The following NRBP2 variants were observed in gnomAD, a reference collection of about 807,000 sequenced individuals.
NRBP2 encodes nuclear receptor-binding protein 2.
A neutral mutation model predicts 74.4 loss-of-function variants in NRBP2; 47 were observed. The ratio of observed to expected loss-of-function variants is 0.63; its 90% CI spans 0.50 to 0.81. The LOEUF (loss-of-function observed/expected upper bound fraction) is 0.81, where lower values mean the gene tolerates loss of function less well. NRBP2 is among the 30% of genes least tolerant of loss of function. The pLI, the probability that NRBP2 is intolerant of heterozygous loss-of-function variation, is 0.00. For missense variants in NRBP2, 613 were observed against 690.1 expected (o/e 0.89, Z 1.25); for synonymous variants, 312 against 273.8 (o/e 1.14, Z -1.38).
chr8:143,833,554 T>G (rs1554650700), downstream of NRBP2: 3 of 152,124 alleles, frequency 2.0e-5, no homozygotes, highest in African/African-American at 7.2e-5. Flanking sequence ...GGATTTCAAA[T>G]GCCTGAAGAA....
Position 143,837,668 on chromosome 8 carries a change from GCA to G in NRBP2, c.926_927del (p.Val309AlafsTer20). 6.3e-7 allele frequency: 1 copy of G among 1,592,644 alleles called. No homozygotes were observed. Among genetic ancestry groups the G allele is most frequent in the Non-Finnish European group, 8.5e-7 (1 of 1,169,762 alleles). ...SLLFHRVLFE[V>X]HSLKLLAAHC... is the part of the protein sequence containing the mutation. ...TGGGCTGCCAGGAGCTTCAGCGAGT[GCA>G]CCTCGAAGAGCACGCGGTGGAAGAG... On this transcript the variant is annotated frameshift_variant, in exon 11 of 18. Coordinates refer to ENST00000442628, the MANE Select transcript of NRBP2 (RefSeq NM_178564.4). LOFTEE classifies it high-confidence loss of function. This position sits in a 1 kb window ranked among gnomAD's most constrained non-coding sequence, Gnocchi z 4.3.
At chr8:143,836,895 G>A in intron 14 of NRBP2, 144 bp downstream of exon 14, 6 of 929,148 alleles carry the variant, frequency 6.5e-6, no homozygotes, top group Non-Finnish European at 6.5e-6. Flanking sequence ...ACCCCCACAA[G>A]GGGGTCAGCC....
intron 10 of NRBP2, chr8:143,838,006 G>A: frequency 1.4e-6 from 1 of 694,454 alleles, no homozygotes; most frequent in Non-Finnish European, 2.6e-6. Flanking sequence ...AAATCGTGGG[G>A]AGAAGCCATG....
Position 143,837,573 on chromosome 8 carries a change from G to A in NRBP2, c.973+50C>T, listed in dbSNP as rs542125856. On this transcript the variant is annotated intron_variant, in intron 11 of 17. Coordinates refer to ENST00000442628, the MANE Select transcript of NRBP2 (RefSeq NM_178564.4). The surrounding 1 kb of genome is among the most constrained non-coding windows in gnomAD (Gnocchi z 4.3). ...GTGGGTCCTGCAGGGCCCCTTCCAC[G>A]TCCCAACCTCCACCTCCCCAGCCAC... 70 of 1,595,276 alleles carry A rather than the reference G, an allele frequency of 4.4e-5. No homozygotes were observed. The highest frequency in any genetic ancestry group is 2.0e-4 in the East Asian group (9 of 44,260).
intron 14 of NRBP2, among the ~76,000 whole-genome samples, chr8:143,836,493 GC>G (rs1268171231): frequency 1.4e-4 from 22 of 151,930 alleles, no homozygotes; most frequent in Non-Finnish European, 1.5e-5. Context: ...GCGGGATCAG[GC>G]CTCCCAGAGC....
chr8:143,837,474 T>G lies in NRBP2; in HGVS notation c.1009A>C (p.Lys337Gln). 6.2e-7 allele frequency: 1 copy of G among 1,611,312 alleles called. No individual in the cohort carries two copies. The highest frequency in any genetic ancestry group is 8.5e-7 in the Non-Finnish European group (1 of 1,179,228). ...MPENVVEEKTKAMDLHAVLAE... is the reference protein window; with the variant it reads ...MPENVVEEKTQAMDLHAVLAE... Reference sequence around the variant, plus strand: ...AAGACCGCGTGCAGGTCCATGGCCTTGGTCTTCTCCTCCACCACATTCTCA... The same window carrying G: ...AAGACCGCGTGCAGGTCCATGGCCTGGGTCTTCTCCTCCACCACATTCTCA... Residue 337 changes from lysine to glutamine, a missense_variant, in exon 12 of 18, where the codon AAG (lysine) becomes CAG (glutamine). This residue lies in a region of NRBP2 where 281 missense variants were observed against 260.9 expected (regional missense o/e 1.08). Transcript: ENST00000442628. The surrounding 1 kb of genome is among the most constrained non-coding windows in gnomAD (Gnocchi z 4.3).
downstream of NRBP2, among the ~76,000 whole-genome samples, chr8:143,830,024 G>T (rs958182103): frequency 1.3e-5 from 2 of 152,204 alleles, no homozygotes; most frequent in African/African-American, 4.8e-5. Context: ...TCGGTCATCC[G>T]AAGAAGCCAC....
Position 143,837,925 on chromosome 8 carries a change from G to A in NRBP2, c.841-170C>T. ...AGCAGCAGCAGCCAGGCCAGGACCT[G>A]GTCCTCTGAGCTTGAGGACAGCTGG... On this transcript the variant is annotated intron_variant, in intron 10 of 17. Transcript: ENST00000442628. The surrounding 1 kb of genome is among the most constrained non-coding windows in gnomAD (Gnocchi z 4.3). The A allele has an allele frequency of 1.2e-6, 1 of 802,206 alleles. No individual in the cohort carries two copies. The highest frequency in any genetic ancestry group is 2.1e-6 in the Non-Finnish European group (1 of 476,420). 49.7% of individuals were successfully genotyped at this position (802,206 alleles called of 1,614,324 possible).
Position 143,839,114 on chromosome 8 carries a change from C to T in NRBP2, c.605-14G>A. The T allele has an allele frequency of 6.6e-7, 1 of 1,516,126 alleles. No individual in the cohort carries two copies. The highest frequency in any genetic ancestry group is 2.5e-5 in the East Asian group (1 of 40,626). The allele number at this position is 1,516,126 out of a possible 1,614,324, so 93.9% of individuals were successfully genotyped here. On this transcript the variant is annotated splice_polypyrimidine_tract_variant and intron_variant, in intron 7 of 17. Coordinates refer to ENST00000442628, the MANE Select transcript of NRBP2 (RefSeq NM_178564.4). This position sits in a 1 kb window ranked among gnomAD's most constrained non-coding sequence, Gnocchi z 5.1. Reference sequence around the variant, plus strand: ...CATCTGGAAGTGCTGTGGGAGGGCGCAGAGCTGAGCGGGCGGGGACCTCTC... The same window carrying T: ...CATCTGGAAGTGCTGTGGGAGGGCGTAGAGCTGAGCGGGCGGGGACCTCTC...
rs1554653572 is a variant in NRBP2, at chr8:143,840,850, G to A, written c.-16C>T. The stretch of plus-strand genomic sequence containing the variant: ...GGGCCGCCATGGTTCGGCCAGCCCA[G>A]GCCACCGCCCTCTGCGCGATCCGCC... On this transcript the variant is annotated 5_prime_UTR_variant, in exon 1 of 18. Coordinates refer to ENST00000442628, the MANE Select transcript of NRBP2 (RefSeq NM_178564.4). This position sits in a 1 kb window ranked among gnomAD's most constrained non-coding sequence, Gnocchi z 5.7. 1 of 1,422,590 alleles carries A rather than the reference G, an allele frequency of 7.0e-7. No homozygotes were observed. The highest frequency in any genetic ancestry group is 3.0e-5 in the East Asian group (1 of 33,030). 88.1% of individuals were successfully genotyped at this position (1,422,590 alleles called of 1,614,324 possible).
At position 143,839,709 on chromosome 8, in the gene NRBP2, G is replaced by T; in HGVS notation, c.444+27C>A. ...GCTGCCCCAACCCCGTCCTGTCCCCGTGGCTGCCCCAGCCCGCTCCCCATA... is the reference window on the plus strand; with the variant it reads ...GCTGCCCCAACCCCGTCCTGTCCCCTTGGCTGCCCCAGCCCGCTCCCCATA... On this transcript the variant is annotated intron_variant, in intron 4 of 17. Transcript: ENST00000442628. This position sits in a 1 kb window ranked among gnomAD's most constrained non-coding sequence, Gnocchi z 5.1. 6.5e-7 allele frequency: 1 copy of T among 1,533,770 alleles called. No homozygotes were observed. The highest frequency in any genetic ancestry group is 1.7e-4 in the Middle Eastern group (1 of 5,974).
chr8:143,832,264 C>T (rs1818191482), downstream of NRBP2, among the ~76,000 whole-genome samples: 2 of 151,502 alleles, frequency 1.3e-5, no homozygotes, highest in South Asian at 4.2e-4. Context: ...TCTCAAGTAC[C>T]CAGGGACACA....
Position 143,837,160 on chromosome 8 carries a change from G to A in NRBP2, c.1142C>T (p.Pro381Leu). 6.2e-7 allele frequency: 1 copy of A among 1,613,028 alleles called. No homozygotes were observed. Among genetic ancestry groups the A allele is most frequent in the Non-Finnish European group, 8.5e-7 (1 of 1,179,308 alleles). Residue 381 changes from proline (P) to leucine (L), a missense_variant, in exon 14 of 18, where the codon CCA (proline) becomes CTA (leucine). By Grantham distance (98) the Pro-to-Leu change is moderately conservative (BLOSUM62 -3). This residue lies in a region of NRBP2 where 281 missense variants were observed against 260.9 expected (regional missense o/e 1.08). Coordinates refer to ENST00000442628, the MANE Select transcript of NRBP2 (RefSeq NM_178564.4). This position sits in a 1 kb window ranked among gnomAD's most constrained non-coding sequence, Gnocchi z 4.3. ...FLEDVRNGIY[P>L]LMNFAATRPL... ...TCGAGTGGCTGCAAAGTTCATCAGT[G>A]GGTAGATTCCATTCCTGGGGACACA...
chr8:143,832,454 C>G (rs1554650449), downstream of NRBP2, among the ~76,000 whole-genome samples: 1 of 152,132 alleles, frequency 6.6e-6, no homozygotes. Context: ...AGGAATGCCT[C>G]TTGCAGTTGA....
chr8:143,836,018 G>A lies in NRBP2; in HGVS notation c.1330C>T (p.Leu444=), dbSNP rs781970813. 6.3e-7 allele frequency: 1 copy of A among 1,574,804 alleles called. No homozygotes were observed. The highest frequency in any genetic ancestry group is 1.2e-5 in the South Asian group (1 of 86,208). ...DKARWHLTLL[L]VLEDRLHRQL... is the part of the protein sequence containing the mutation. ...CGGTGCAGCCGGTCTTCCAGCACCA[G>A]AAGCAGAGTGAGCTGGGGAGGCGGC... The change falls in exon 16 of 18, where the codon CTG becomes TTG. Residue 444 remains leucine, a synonymous_variant. Coordinates refer to ENST00000442628, the MANE Select transcript of NRBP2 (RefSeq NM_178564.4).
Position 143,836,354 on chromosome 8 carries a change from A to G in NRBP2, c.1264-174T>C, listed in dbSNP as rs1018823603. Among the ~76,000 whole-genome samples, 17 of 152,200 alleles carry G rather than the reference A, an allele frequency of 1.1e-4. 1 individual carries two copies. The East Asian group carries it at 2.7e-3, about 24-fold the overall frequency. ...GAAAGCTTCGAGAAGAGTCGACATT[A>G]GGGGCTGGGTACTGAAGGCTGAATA... On this transcript the variant is annotated intron_variant, in intron 14 of 17. Transcript: ENST00000442628.
At chr8:143,836,951 T>A (rs1818428224) in intron 14 of NRBP2, 88 bp downstream of exon 14, 2 of 1,445,270 alleles carry the variant, frequency 1.4e-6, no homozygotes, top group African/African-American at 1.4e-5. Flanking sequence ...GCTGTGGGGA[T>A]GCAGGCCCTA....
Position 143,839,766 on chromosome 8 carries a change from G to C in NRBP2, c.414C>G (p.Thr138=), listed in dbSNP as rs782225219. ...SGSLKQFLKK[T]KKNHKAMNAR... is the part of the protein sequence containing the mutation. Reference sequence around the variant, plus strand: ...CGTTCATGGCCTTGTGGTTCTTCTTGGTCTTTTTGAGGAATTGCTTGAGGC... The same window carrying C: ...CGTTCATGGCCTTGTGGTTCTTCTTCGTCTTTTTGAGGAATTGCTTGAGGC... The change falls in exon 4 of 18, where the codon ACC becomes ACG. Residue 138 remains threonine, a synonymous_variant. Transcript: ENST00000442628. This position sits in a 1 kb window ranked among gnomAD's most constrained non-coding sequence, Gnocchi z 5.1. The C allele has an allele frequency of 1.2e-5, 18 of 1,535,962 alleles. No homozygotes were observed. Among genetic ancestry groups the C allele is most frequent in the Non-Finnish European group, 1.4e-5 (16 of 1,146,824 alleles).
Position 143,840,114 on chromosome 8 carries a change from G to C in NRBP2, c.245C>G (p.Ala82Gly). 1 of 1,536,138 alleles carries C rather than the reference G, an allele frequency of 6.5e-7. No individual in the cohort carries two copies. The highest frequency in any genetic ancestry group is 1.2e-5 in the South Asian group (1 of 84,068). The change falls in exon 2 of 18, where the codon GCG becomes GGG. Residue 82 changes from alanine to glycine, a missense_variant. Coordinates refer to ENST00000442628, the MANE Select transcript of NRBP2 (RefSeq NM_178564.4). The surrounding 1 kb of genome is among the most constrained non-coding windows in gnomAD (Gnocchi z 5.7). ...AGGGGGCAGCGGTCTCACCTCGTGC[G>C]CCGCGAAGGCCTTCCTGTCTCCGAA... The part of the protein sequence containing the change: ...LHFGDRKAFA[A>G]HEEKIQTVFE...
Sources: allele counts gnomAD v4.1 joint callset (sites outside exome capture counted in the v4.1 genomes callset), GRCh38; gene constraint gnomAD v4.1.1; regional missense constraint gnomAD v4.1.1; non-coding constraint Gnocchi (gnomAD v3.1); transcripts MANE v1.5; gene names NCBI Gene and HGNC (gene_info 2026-07-23, HGNC 2026-07-21).